Variants in RTL4 observed in about 807,000 individuals in gnomAD.
RTL4 encodes retrotransposon Gag like 4.
RTL4 carries 4 observed loss-of-function variants against 5.3 expected under a neutral mutation model. The observed-to-expected ratio is 0.75, with a 90% CI of 0.37 to 1.72. The LOEUF (loss-of-function observed/expected upper bound fraction) is 1.72, where lower values mean the gene tolerates loss of function less well. RTL4 is among the 40% of genes most tolerant of loss of function. The probability of loss-of-function intolerance (pLI) is 0.04; values close to 1 mark genes in which losing one functional copy is unlikely to be tolerated. For missense variants in RTL4, 260 were observed against 227.1 expected (o/e 1.14, Z -0.93); for synonymous variants, 98 against 87.3 (o/e 1.12, Z -0.68).
At chrX:112,380,442 G>A in the RTL4 span, among the ~76,000 whole-genome samples, 8 of 111,951 alleles carry the variant, frequency 7.1e-5, no homozygotes, top group African/African-American at 1.6e-4. Context: ...GTGAGCCACC[G>A]CACCTGGCCC....
At chrX:112,313,409 G>A in the RTL4 span, among the ~76,000 whole-genome samples, 567 of 110,993 alleles carry the variant, frequency 5.1e-3, 2 homozygotes, top group African/African-American at 0.017. Context: ...CATGCCCCAC[G>A]CATGATTTTA....
chrX:112,282,668 T>C, the RTL4 span, among the ~76,000 whole-genome samples: 1 of 112,046 alleles, frequency 8.9e-6, no homozygotes, highest in Admixed American at 9.5e-5. Flanking sequence ...TCAATTTCTT[T>C]CATTAGTGTT....
At chrX:112,121,208 A>G in the RTL4 span, among the ~76,000 whole-genome samples, 2 of 111,979 alleles carry the variant, frequency 1.8e-5, no homozygotes, top group Non-Finnish European at 3.8e-5. Flanking sequence ...TTGTAATTCT[A>G]TACTTCAATT....
the RTL4 span, among the ~76,000 whole-genome samples, chrX:112,199,402 G>A: frequency 9.0e-6 from 1 of 110,742 alleles, no homozygotes; most frequent in African/African-American, 3.3e-5. Flanking sequence ...ATTGAGGTAA[G>A]ATTCAAGAGA....
chrX:112,085,369 C>T, the RTL4 span, among the ~76,000 whole-genome samples: 1 of 112,549 alleles, frequency 8.9e-6, no homozygotes, highest in Non-Finnish European at 1.9e-5. Flanking sequence ...GTAATTGAGA[C>T]ATACTCTTTT....
the RTL4 span, among the ~76,000 whole-genome samples, chrX:112,088,670 C>T: frequency 1.8e-5 from 2 of 112,145 alleles, no homozygotes; most frequent in Non-Finnish European, 3.8e-5. Context: ...TTTTACATTT[C>T]TATCAATAAT....
the RTL4 span, among the ~76,000 whole-genome samples, chrX:112,206,147 T>G: frequency 1.8e-5 from 2 of 112,029 alleles, no homozygotes; most frequent in African/African-American, 6.5e-5. Context: ...CAAAGACTTT[T>G]AATCGTTTAA....
the RTL4 span, among the ~76,000 whole-genome samples, chrX:112,360,802 G>C: frequency 2.7e-5 from 3 of 110,380 alleles, no homozygotes; most frequent in Non-Finnish European, 5.7e-5. Flanking sequence ...AAAAAAAATG[G>C]AGAAGCAGCA....
the RTL4 span, among the ~76,000 whole-genome samples, chrX:112,300,325 A>T: frequency 8.9e-6 from 1 of 112,357 alleles, no homozygotes; most frequent in Admixed American, 9.5e-5. Context: ...GGTTGTTTCC[A>T]ATTGTCTGAA....
At chrX:112,275,988 G>T in the RTL4 span, among the ~76,000 whole-genome samples, 4 of 111,727 alleles carry the variant, frequency 3.6e-5, no homozygotes, top group Middle Eastern at 4.2e-3. Context: ...TCTAGGGAGT[G>T]TTTGGCAGCC....
the RTL4 span, among the ~76,000 whole-genome samples, chrX:112,307,177 A>G: frequency 8.9e-6 from 1 of 112,227 alleles, no homozygotes; most frequent in Non-Finnish European, 1.9e-5. Context: ...GCTAACATGT[A>G]TTAATCATTT....
chrX:112,154,964 C>T, the RTL4 span, among the ~76,000 whole-genome samples: 9 of 110,951 alleles, frequency 8.1e-5, no homozygotes, highest in African/African-American at 2.0e-4. Flanking sequence ...AGGCTTCACA[C>T]AGCATTCAGC....
At chrX:112,436,864 T>C in the RTL4 span, among the ~76,000 whole-genome samples, 3 of 111,206 alleles carry the variant, frequency 2.7e-5, no homozygotes, top group African/African-American at 9.8e-5. Context: ...CCAGAAAAAG[T>C]CAGTAGTCAC....
At chrX:112,451,504 A>T (rs2147893520), upstream of RTL4, among the ~76,000 whole-genome samples, 1 of 112,049 alleles carries the variant, frequency 8.9e-6, no homozygotes, top group African/African-American at 3.2e-5. Context: ...GTCTCAAAAA[A>T]AAAATGTATG....
At chrX:112,275,759 C>T in the RTL4 span, among the ~76,000 whole-genome samples, 8 of 110,365 alleles carry the variant, frequency 7.2e-5, no homozygotes, top group African/African-American at 2.0e-4. Context: ...AACAGAGATA[C>T]CCTTTCTGTA....
chrX:112,193,331 A>T, the RTL4 span, among the ~76,000 whole-genome samples: 1,691 of 110,749 alleles, frequency 0.015, 37 homozygotes, highest in African/African-American at 0.052. Context: ...ATATACAATA[A>T]ATTATTATTA....
At chrX:112,283,518 C>T in the RTL4 span, among the ~76,000 whole-genome samples, 1 of 111,039 alleles carries the variant, frequency 9.0e-6, no homozygotes. Flanking sequence ...AACTACCCCG[C>T]AGGGTTATGG....
chrX:112,173,117 T>C, the RTL4 span, among the ~76,000 whole-genome samples: 2 of 110,004 alleles, frequency 1.8e-5, no homozygotes, highest in Admixed American at 1.9e-4. Context: ...CGTTTACCTA[T>C]GTAACAAATC....
the RTL4 span, among the ~76,000 whole-genome samples, chrX:112,322,765 CATT>C: frequency 9.0e-6 from 1 of 111,490 alleles, no homozygotes; most frequent in South Asian, 3.7e-4. Context: ...AGGATTTCAT[CATT>C]ATTTTTTAAC....
Sources: allele counts gnomAD v4.1 joint callset (sites outside exome capture counted in the v4.1 genomes callset), GRCh38; gene constraint gnomAD v4.1.1; transcripts MANE v1.5; gene names NCBI Gene and HGNC (gene_info 2026-07-23, HGNC 2026-07-21).